Variants in RAPGEF2 observed in about 807,000 individuals in gnomAD.
The protein encoded by RAPGEF2 is PDZ domain containing guanine nucleotide exchange factor (GEF) 1.
A neutral mutation model predicts 186.7 loss-of-function variants in RAPGEF2; 54 were observed. The observed-to-expected ratio is 0.29, with a 90% CI of 0.23 to 0.36. RAPGEF2 has a LOEUF of 0.36. RAPGEF2 is among the 10% of genes least tolerant of loss of function. RAPGEF2 has a pLI of 1.00. For missense variants in RAPGEF2, 1,532 were observed against 2,045.0 expected, an observed-to-expected ratio of 0.75 and a Z score of 4.84; for synonymous variants, 712 against 705.9, an observed-to-expected ratio of 1.01 and a Z score of -0.14.
At chr4:159,248,946 A>AT (rs1383557200) in intron 7 of RAPGEF2, among the ~76,000 whole-genome samples, 1 of 152,138 alleles carries the variant, frequency 6.6e-6, no homozygotes, top group African/African-American at 2.4e-5. Context: ...CTGTTCTTTC[A>AT]TTCCATTTTG....
intron 1 of RAPGEF2, among the ~76,000 whole-genome samples, chr4:159,170,349 C>T (rs963320464): frequency 1.3e-5 from 2 of 152,118 alleles, no homozygotes; most frequent in African/African-American, 2.4e-5. Flanking sequence ...GCCCTCCATA[C>T]ACTCAGGTTG....
chr4:159,296,113 A>G lies in RAPGEF2; in HGVS notation c.544-8229A>G, dbSNP rs370046834. Among the ~76,000 whole-genome samples the G allele has an allele frequency of 4.1e-4, 62 of 152,322 alleles. 1 individual carries two copies. The South Asian group carries it at 0.012, about 30-fold the overall frequency. ...TACTGGATATTACCATAAACCTTGTAAAGATTAATTTATAAAGCAAAAAGT... is the reference window on the plus strand; with the variant it reads ...TACTGGATATTACCATAAACCTTGTGAAGATTAATTTATAAAGCAAAAAGT... On this transcript the variant is annotated intron_variant, in intron 7 of 29. Coordinates refer to ENST00000691494, the MANE Select transcript of RAPGEF2 (RefSeq NM_001394067.2).
chr4:159,178,202 TGGAACATAA>T (rs957697185), intron 1 of RAPGEF2, among the ~76,000 whole-genome samples: 4 of 152,122 alleles, frequency 2.6e-5, no homozygotes, highest in Non-Finnish European at 5.9e-5. Flanking sequence ...CATGCTGCAG[TGGAACATAA>T]TCCCCCCACC....
At chr4:159,166,961 C>T (rs1745385537) in intron 1 of RAPGEF2, among the ~76,000 whole-genome samples, 1 of 152,088 alleles carries the variant, frequency 6.6e-6, no homozygotes. Flanking sequence ...GATCAAGGGA[C>T]ATATTACAGC....
chr4:159,194,863 G>A (rs1748472092), intron 3 of RAPGEF2, among the ~76,000 whole-genome samples: 1 of 152,160 alleles, frequency 6.6e-6, no homozygotes, highest in African/African-American at 2.4e-5. Context: ...TAATACCTGT[G>A]GTTGTATGAA....
Position 159,356,071 on chromosome 4 carries a change from G to T in RAPGEF2, c.4870G>T (p.Val1624Leu). 1 of 1,614,202 alleles carries T rather than the reference G, an allele frequency of 6.2e-7. No homozygotes were observed. The highest frequency in any genetic ancestry group is 1.3e-5 in the African/African-American group (1 of 75,054). Residue 1624 changes from valine to leucine, a missense_variant, in exon 29 of 30, where the codon GTG becomes TTG. Coordinates refer to ENST00000691494, the MANE Select transcript of RAPGEF2 (RefSeq NM_001394067.2). ...TGGGCATCCCACCAGCAGCAGGCCT[G>T]TGAACAAACCTCAGTGGCATAAACC... The part of the protein sequence containing the change: ...PHGHPTSSRP[V>L]NKPQWHKPNE...
chr4:159,268,603 A>G (rs964747548), intron 7 of RAPGEF2, among the ~76,000 whole-genome samples: 1 of 152,202 alleles, frequency 6.6e-6, no homozygotes, highest in African/African-American at 2.4e-5. Flanking sequence ...ATAGTGAGGA[A>G]TTCGCATGTA....
intron 7 of RAPGEF2, among the ~76,000 whole-genome samples, chr4:159,282,223 A>G (rs1447800284): frequency 6.6e-6 from 1 of 152,080 alleles, no homozygotes; most frequent in Non-Finnish European, 1.5e-5. Flanking sequence ...TCTTTATTTG[A>G]TTTTAACTTC....
At chr4:159,139,986 C>G (rs905290014) in intron 1 of RAPGEF2, among the ~76,000 whole-genome samples, 2 of 152,110 alleles carry the variant, frequency 1.3e-5, no homozygotes, top group East Asian at 3.8e-4. Flanking sequence ...TTGAGTTATA[C>G]CATTTCACCA....
intron 26 of RAPGEF2, 147 bp from the exon 27 acceptor site, chr4:159,352,538 A>C (rs1474825538): frequency 1.6e-6 from 1 of 620,470 alleles, no homozygotes; most frequent in Admixed American, 2.9e-5. Context: ...TCTCTTAGTC[A>C]TGTGGTCTCT....
At position 159,165,669 on chromosome 4, in the gene RAPGEF2, G is replaced by A. The variant is rs138105525; in HGVS notation, c.70-20973G>A. Among the ~76,000 whole-genome samples the A allele has an allele frequency of 4.8e-3, 734 of 152,308 alleles. 7 individuals are homozygous for A. Among genetic ancestry groups the A allele is most frequent in the African/African-American group, 0.016 (672 of 41,564 alleles). On this transcript the variant is annotated intron_variant, in intron 1 of 29. Transcript: ENST00000691494. The stretch of plus-strand genomic sequence containing the variant: ...GTCTCAATCCGTTGACCAGGCCGGA[G>A]TGCAGTGGCAGGATCACAGTTCACT...
intron 9 of RAPGEF2, among the ~76,000 whole-genome samples, chr4:159,315,240 C>T (rs1037214493): frequency 5.9e-5 from 9 of 151,646 alleles, no homozygotes; most frequent in African/African-American, 2.2e-4. Context: ...AGGTTAGTGG[C>T]ATATAGGCTG....
chr4:159,232,944 A>T (rs972917942), intron 4 of RAPGEF2, among the ~76,000 whole-genome samples: 13 of 152,122 alleles, frequency 8.5e-5, no homozygotes, highest in Non-Finnish European at 1.8e-4. Flanking sequence ...TTTCATGTGC[A>T]TATTGGCTCT....
chr4:159,140,322 G>A (rs1005386139), intron 1 of RAPGEF2, among the ~76,000 whole-genome samples: 10 of 152,174 alleles, frequency 6.6e-5, no homozygotes, highest in African/African-American at 2.4e-4. Context: ...GAAAATGGGA[G>A]GTATAATATT....
chr4:159,311,119 T>G (rs1218808359), intron 8 of RAPGEF2, among the ~76,000 whole-genome samples: 1 of 152,182 alleles, frequency 6.6e-6, no homozygotes. Context: ...AACAACTTAT[T>G]TAATGTCCTT....
chr4:159,156,563 C>T (rs961707796), intron 1 of RAPGEF2, among the ~76,000 whole-genome samples: 2 of 151,766 alleles, frequency 1.3e-5, no homozygotes, highest in Non-Finnish European at 2.9e-5. Flanking sequence ...ATACATGTGC[C>T]CATTTTGGTT....
At chr4:159,272,206 C>T (rs1041924380) in intron 7 of RAPGEF2, among the ~76,000 whole-genome samples, 3 of 152,172 alleles carry the variant, frequency 2.0e-5, no homozygotes, top group African/African-American at 7.2e-5. Flanking sequence ...GGCCACGATT[C>T]ATTTGTTAGC....
At position 159,332,572 on chromosome 4, in the gene RAPGEF2, A is replaced by G. The variant is rs747430632; in HGVS notation, c.2010A>G (p.Val670=). 16 of 1,614,194 alleles carry G rather than the reference A, an allele frequency of 9.9e-6. No homozygotes were observed. The Admixed American group carries it at 2.5e-4, about 25-fold the overall frequency. The change falls in exon 17 of 30, where the codon GTA becomes GTG. Residue 670 remains valine, a synonymous_variant. Transcript: ENST00000691494. ...RYSIPDLAVD[V]EQVIGLEKVN... ...CCATTCCAGATCTTGCTGTAGATGTAGAACAGGTGATAGGACTTGAAAAAG... is the reference window on the plus strand; with the variant it reads ...CCATTCCAGATCTTGCTGTAGATGTGGAACAGGTGATAGGACTTGAAAAAG...
At chr4:159,194,438 C>T (rs1748417143) in intron 3 of RAPGEF2, among the ~76,000 whole-genome samples, 2 of 152,124 alleles carry the variant, frequency 1.3e-5, no homozygotes, top group South Asian at 4.1e-4. Context: ...ACAGTGGTAT[C>T]ACAGACCCCC....
Sources: allele counts gnomAD v4.1 joint callset (sites outside exome capture counted in the v4.1 genomes callset), GRCh38; gene constraint gnomAD v4.1.1; transcripts MANE v1.5; gene names NCBI Gene and HGNC (gene_info 2026-07-23, HGNC 2026-07-21).